FNBP1L: variants seen among roughly 807,000 people sequenced by gnomAD.
FNBP1L encodes the protein formin binding protein 1 like.
In FNBP1L, 36 loss-of-function variants were observed where a neutral mutation model predicts 91.2. That is an observed-to-expected ratio of 0.39 (90% CI 0.30 to 0.52). FNBP1L has a LOEUF of 0.52. FNBP1L is among the 20% of genes least tolerant of loss of function. The probability of loss-of-function intolerance (pLI) is 0.66; values close to 1 mark genes in which losing one functional copy is unlikely to be tolerated. For synonymous variants in FNBP1L, 242 were observed against 237.0 expected, an observed-to-expected ratio of 1.02 and a Z score of -0.19; for missense variants, 571 against 732.1, an observed-to-expected ratio of 0.78 and a Z score of 2.54.
At chr1:93,474,811 A>G (rs1389414112) in intron 1 of FNBP1L, among the ~76,000 whole-genome samples, 3 of 152,198 alleles carry the variant, frequency 2.0e-5, no homozygotes, top group Admixed American at 6.5e-5. Flanking sequence ...AAGTTACCTT[A>G]CTAAATAACT....
chr1:93,489,879 G>A (rs948694306), intron 1 of FNBP1L, among the ~76,000 whole-genome samples: 1 of 152,192 alleles, frequency 6.6e-6, no homozygotes, highest in Non-Finnish European at 1.5e-5. Flanking sequence ...AGGGAGAAAA[G>A]TCAGTTGTGT....
Position 93,552,495 on chromosome 1 carries a change from C to A in FNBP1L, c.*79C>A. 2 of 1,547,206 alleles carry A rather than the reference C, an allele frequency of 1.3e-6. No individual in the cohort carries two copies. Among genetic ancestry groups the A allele is most frequent in the South Asian group, 1.2e-5 (1 of 82,962 alleles). ...TTTTGGGGGAGGGTATTAGAGTTGT[C>A]AGGCTCAAAGAGAGTGAGAGAAGCA... On this transcript the variant is annotated 3_prime_UTR_variant, in exon 17 of 17. Coordinates refer to ENST00000271234, the MANE Select transcript of FNBP1L (RefSeq NM_001164473.3).
chr1:93,539,640 C>T (rs988683285), intron 10 of FNBP1L, among the ~76,000 whole-genome samples: 1 of 152,008 alleles, frequency 6.6e-6, no homozygotes, highest in Non-Finnish European at 1.5e-5. Flanking sequence ...AAGTCAAATT[C>T]ATATACTTCA....
chr1:93,483,311 A>G (rs1669782966), intron 1 of FNBP1L, among the ~76,000 whole-genome samples: 1 of 152,280 alleles, frequency 6.6e-6, no homozygotes, highest in East Asian at 1.9e-4. Flanking sequence ...ACAAAATTTA[A>G]TGTGCCACTA....
At chr1:93,540,912 ATTGT>A (rs780111143) in intron 10 of FNBP1L, 126 bp from the exon 11 acceptor site, 1 of 668,570 alleles carries the variant, frequency 1.5e-6, no homozygotes, top group Non-Finnish European at 2.2e-6. Context: ...TTCTGGCATA[ATTGT>A]TTGGATTGTG....
In FNBP1L at chr1:93,554,128, T is replaced by C. The variant is rs909604446; in HGVS notation, c.*1712T>C. 18 of 152,702 alleles carry C rather than the reference T, an allele frequency of 1.2e-4. No individual in the cohort carries two copies. Among genetic ancestry groups the C allele is most frequent in the Non-Finnish European group, 2.2e-4 (15 of 68,050 alleles). 9.5% of individuals were successfully genotyped at this position (152,702 alleles called of 1,614,324 possible). A position where few individuals can be genotyped will look rare whatever the true frequency, so the allele number is the denominator to read the frequency against. ...GCTAGTAAACTATAAAGTTTAGATA[T>C]TGAATCTCGTTACAGGGTTATTTAT... On this transcript the variant is annotated 3_prime_UTR_variant, in exon 17 of 17. Transcript: ENST00000271234.
At chr1:93,505,110 C>CTT (rs61426757) in intron 2 of FNBP1L, among the ~76,000 whole-genome samples, 2,472 of 125,158 alleles carry the variant, frequency 0.02, 56 homozygotes, top group Non-Finnish European at 0.024. Context: ...CAGCTTCATT[C>CTT]TTTTTTTTTT....
intron 1 of FNBP1L, among the ~76,000 whole-genome samples, chr1:93,487,665 C>T (rs1037023815): frequency 8.5e-5 from 13 of 152,140 alleles, no homozygotes; most frequent in African/African-American, 2.9e-4. Context: ...TAGCCATAAA[C>T]GCCCTGAATT....
At chr1:93,541,083 C>G (rs954715145) in intron 11 of FNBP1L, 27 bp downstream of exon 11, 1 of 1,532,158 alleles carries the variant, frequency 6.5e-7, no homozygotes, top group African/African-American at 1.4e-5. Context: ...GATCTATATA[C>G]TGTGCCAACA....
chr1:93,471,573 TC>T (rs990965340), intron 1 of FNBP1L, among the ~76,000 whole-genome samples: 13 of 152,078 alleles, frequency 8.5e-5, no homozygotes, highest in Non-Finnish European at 1.8e-4. Flanking sequence ...GTGCCTGTAG[TC>T]CCCGCTACTC....
At chr1:93,459,909 T>C (rs1244045686) in intron 1 of FNBP1L, among the ~76,000 whole-genome samples, 2 of 150,342 alleles carry the variant, frequency 1.3e-5, no homozygotes, top group African/African-American at 2.4e-5. Flanking sequence ...TCTGAAATGG[T>C]TGGAGAAGAC....
At chr1:93,464,499 T>A (rs1669008022) in intron 1 of FNBP1L, among the ~76,000 whole-genome samples, 1 of 152,194 alleles carries the variant, frequency 6.6e-6, no homozygotes, top group Non-Finnish European at 1.5e-5. Flanking sequence ...CATTCATTAT[T>A]TATATTTCTC....
At chr1:93,527,513 G>A (rs1444306033) in intron 5 of FNBP1L, among the ~76,000 whole-genome samples, 1 of 152,128 alleles carries the variant, frequency 6.6e-6, no homozygotes, top group Non-Finnish European at 1.5e-5. Flanking sequence ...TTCTTCTGAG[G>A]AATTCTCAGA....
At chr1:93,514,473 C>G (rs1319890539) in intron 2 of FNBP1L, among the ~76,000 whole-genome samples, 5 of 151,572 alleles carry the variant, frequency 3.3e-5, no homozygotes, top group African/African-American at 1.2e-4. Context: ...AATCCTAAGC[C>G]AAAAGAACAA....
intron 2 of FNBP1L, among the ~76,000 whole-genome samples, chr1:93,504,531 C>T (rs1014209465): frequency 8.5e-5 from 13 of 152,226 alleles, no homozygotes; most frequent in African/African-American, 2.9e-4. Context: ...GTCTCTATCT[C>T]ATTTTACTTT....
chr1:93,547,184 G>C (rs939916534), intron 13 of FNBP1L, among the ~76,000 whole-genome samples, 163 bp from the exon 14 acceptor site: 1 of 151,770 alleles, frequency 6.6e-6, no homozygotes, highest in Non-Finnish European at 1.5e-5. Context: ...CTATTTTTTT[G>C]AATCAGCTAT....
chr1:93,528,609 A>G (rs1671571174), intron 5 of FNBP1L, among the ~76,000 whole-genome samples: 1 of 152,136 alleles, frequency 6.6e-6, no homozygotes, highest in South Asian at 2.1e-4. Context: ...GCATACAACT[A>G]GGAAATAGGA....
chr1:93,479,601 C>T (rs1669619150), intron 1 of FNBP1L, among the ~76,000 whole-genome samples: 1 of 152,118 alleles, frequency 6.6e-6, no homozygotes. Flanking sequence ...TAGACCTCCC[C>T]CCAGGAATGC....
At chr1:93,550,755 G>A (rs1570881123) in intron 15 of FNBP1L, among the ~76,000 whole-genome samples, 192 bp from the exon 16 acceptor site, 2 of 152,304 alleles carry the variant, frequency 1.3e-5, no homozygotes, top group South Asian at 4.1e-4. Context: ...TTATTATGCA[G>A]CTCAAATGAG....
Sources: allele counts gnomAD v4.1 joint callset (sites outside exome capture counted in the v4.1 genomes callset), GRCh38; gene constraint gnomAD v4.1.1; transcripts MANE v1.5; gene names NCBI Gene and HGNC (gene_info 2026-07-23, HGNC 2026-07-21).